Variants in ENG observed in about 807,000 individuals in gnomAD.
The protein encoded by ENG is CD105 antigen.
Under a neutral mutation model 71.0 loss-of-function variants are expected in ENG, and 17 were observed. The ratio of observed to expected loss-of-function variants is 0.24; its 90% CI spans 0.16 to 0.36. The LOEUF is 0.36. Among genes scored for constraint, ENG ranks in the 10% least tolerant of loss-of-function variants. The pLI is 1.00. For synonymous variants in ENG, 360 were observed against 366.9 expected (o/e 0.98, Z 0.21); for missense variants, 749 against 868.3 (o/e 0.86, Z 1.73).
chr9:127,841,392 G>A (rs1350118558), intron 2 of ENG, among the ~76,000 whole-genome samples: 3 of 152,064 alleles, frequency 2.0e-5, no homozygotes, highest in Non-Finnish European at 4.4e-5. Context: ...TAGGGTTGGG[G>A]GATCCCAGTC....
At chr9:127,833,777 TCA>T (rs1231617903) in intron 2 of ENG, among the ~76,000 whole-genome samples, 3 of 152,180 alleles carry the variant, frequency 2.0e-5, no homozygotes, top group Non-Finnish European at 4.4e-5. Context: ...CCAACTGACG[TCA>T]CAAAGCCAGA....
chr9:127,854,219 C>T (rs914237733), intron 1 of ENG, 70 bp downstream of exon 1: 56 of 1,490,602 alleles, frequency 3.8e-5, no homozygotes, highest in Admixed American at 9.8e-5. Context: ...GGAAGGAGGC[C>T]GGGAATACTT....
chr9:127,821,829 G>C (rs542769278), intron 8 of ENG, among the ~76,000 whole-genome samples: 1 of 148,536 alleles, frequency 6.7e-6, no homozygotes, highest in East Asian at 2.0e-4. Context: ...GTTTCAGTGA[G>C]CCGAGATTGT....
At chr9:127,823,673 CT>C (rs1017053002) in intron 8 of ENG, among the ~76,000 whole-genome samples, 649 of 99,028 alleles carry the variant, frequency 6.6e-3, no homozygotes, top group East Asian at 0.019. Context: ...CAGGCACCGG[CT>C]TTTTTTTTTT....
In ENG at chr9:127,817,160, G is replaced by C. The variant is rs759341808; in HGVS notation, c.1730C>G (p.Pro577Arg). 7 of 1,614,048 alleles carry C rather than the reference G, an allele frequency of 4.3e-6. No homozygotes were observed. Among genetic ancestry groups the C allele is most frequent in the Admixed American group, 3.3e-5 (2 of 60,008 alleles). ...TGGAGGGAGCTCACCAGACAGGTCA[G>C]GGCTGATGATGTTCAAGCGCATGAA... ...TVFMRLNIIS[P>R]DLSGCTSKGL... The change falls in exon 13 of 15, where the codon CCT becomes CGT. Residue 577 changes from proline (P) to arginine (R), a missense_variant. Coordinates refer to ENST00000373203, the MANE Select transcript of ENG (RefSeq NM_001114753.3).
At position 127,846,889 on chromosome 9, in the gene ENG, G is replaced by A. The variant is rs781436266; in HGVS notation, c.68-3644C>T. ...CCACCACTGTCCCCTCTCCACCCTC[G>A]CCACCCATGTGCACACAGCACCTCC... On this transcript the variant is annotated intron_variant, in intron 1 of 14. Transcript: ENST00000373203. This position sits in a 1 kb window ranked among gnomAD's most constrained non-coding sequence, Gnocchi z 5.5. The A allele has an allele frequency of 2.0e-5, 20 of 985,460 alleles. No homozygotes were observed. Among genetic ancestry groups the A allele is most frequent in the Middle Eastern group, 5.2e-4 (1 of 1,914 alleles). The allele number at this position is 985,460 out of a possible 1,614,324, so 61.0% of individuals were successfully genotyped here.
chr9:127,818,335 C>G lies in ENG; in HGVS notation c.1471G>C (p.Asp491His). Residue 491 changes from aspartate to histidine, a missense_variant, in exon 12 of 15, where the codon GAC becomes CAC. By Grantham distance (81) the Asp-to-His change is moderately conservative (BLOSUM62 -1). Transcript: ENST00000373203. ...PSVSEFLLQL[D>H]SCHLDLGPEG... The stretch of plus-strand genomic sequence containing the variant: ...GGCCCCAAGTCCAGGTGGCAGCTGT[C>G]TAACTGGAGCAGGAACTCGGAGACG... The G allele has an allele frequency of 1.2e-6, 2 of 1,614,056 alleles. No homozygotes were observed. The highest frequency in any genetic ancestry group is 1.7e-6 in the Non-Finnish European group (2 of 1,180,040).
chr9:127,837,055 T>C (rs1830918299), intron 2 of ENG, among the ~76,000 whole-genome samples: 2 of 152,188 alleles, frequency 1.3e-5, no homozygotes. Flanking sequence ...CCCAAAGTGC[T>C]GAGATTACAG....
intron 1 of ENG, among the ~76,000 whole-genome samples, chr9:127,847,486 C>G (rs911913402): frequency 3.3e-5 from 5 of 151,832 alleles, no homozygotes; most frequent in Admixed American, 2.6e-4. Flanking sequence ...GAGATAGAGT[C>G]TCACTCTGTC....
At chr9:127,853,773 A>T (rs1205368745) in intron 1 of ENG, among the ~76,000 whole-genome samples, 2 of 152,194 alleles carry the variant, frequency 1.3e-5, no homozygotes, top group East Asian at 3.9e-4. Context: ...CTCACCACCC[A>T]CCTCCTCAGC....
At position 127,816,921 on chromosome 9, in the gene ENG, C is replaced by G. The variant is rs41417551; in HGVS notation, c.1741+228G>C. On this transcript the variant is annotated intron_variant, in intron 13 of 14. Coordinates refer to ENST00000373203, the MANE Select transcript of ENG (RefSeq NM_001114753.3). ...GGGGCAGAGGCCTAGACTCCCACCC[C>G]ACAGGGCGGTCCCGGGCAAGGGCTC... 9.1e-3 allele frequency: 5,532 copies of G among 605,254 alleles called. 252 individuals are homozygous for G. In the African/African-American group the frequency reaches 0.092, roughly 10 times the overall value. The allele number at this position is 605,254 out of a possible 1,614,324, so 37.5% of individuals were successfully genotyped here.
intron 3 of ENG, among the ~76,000 whole-genome samples, chr9:127,827,442 C>T (rs1212326447): frequency 1.3e-5 from 2 of 152,092 alleles, no homozygotes; most frequent in Non-Finnish European, 2.9e-5. Flanking sequence ...CTGCCATTGC[C>T]TCAGAAGAAA....
At chr9:127,854,263 C>G (rs759724176) in intron 1 of ENG, 26 bp downstream of exon 1, 5 of 1,567,036 alleles carry the variant, frequency 3.2e-6, no homozygotes. Flanking sequence ...GCCGAGTCTC[C>G]CCACCCTGGG....
chr9:127,824,504 G>A lies in ENG; in HGVS notation c.992-58C>T, dbSNP rs550555087. 1,073 of 1,057,154 alleles carry A rather than the reference G, an allele frequency of 1.0e-3. 16 individuals carry two copies. In the East Asian group the frequency reaches 0.021, roughly 21 times the overall value. 65.5% of individuals were successfully genotyped at this position (1,057,154 alleles called of 1,614,324 possible). On this transcript the variant is annotated intron_variant, in intron 7 of 14. Coordinates refer to ENST00000373203, the MANE Select transcript of ENG (RefSeq NM_001114753.3). Reference sequence around the variant, plus strand: ...GTCACTGTGTGATCACTGTGTGCCCGCACCAGGCTTTTTTTTTTTTTTTTT... The same window carrying A: ...GTCACTGTGTGATCACTGTGTGCCCACACCAGGCTTTTTTTTTTTTTTTTT...
intron 1 of ENG, among the ~76,000 whole-genome samples, chr9:127,849,748 T>C (rs576616329): frequency 1.6e-3 from 243 of 152,272 alleles, no homozygotes; most frequent in African/African-American, 5.6e-3. Flanking sequence ...ATCCCCATCC[T>C]CTCCACTGTG....
At chr9:127,825,967 C>T in intron 4 of ENG, 107 bp from the exon 5 acceptor site, 3 of 1,434,646 alleles carry the variant, frequency 2.1e-6, no homozygotes, top group Non-Finnish European at 2.9e-6. Context: ...CAGGACGGTG[C>T]TGCAGAGGGG....
At chr9:127,816,970 G>T in intron 13 of ENG, 179 bp downstream of exon 13, 6 of 727,542 alleles carry the variant, frequency 8.2e-6, no homozygotes, top group Non-Finnish European at 1.4e-5. Context: ...TGCAGCTCTG[G>T]CCCCTGCTCT....
At chr9:127,840,121 G>A (rs1405588460) in intron 2 of ENG, among the ~76,000 whole-genome samples, 4 of 152,234 alleles carry the variant, frequency 2.6e-5, no homozygotes, top group African/African-American at 9.6e-5. Context: ...AATGGGTCCA[G>A]GTTTCCCGTG....
At position 127,818,690 on chromosome 9, in the gene ENG, C is replaced by T. The variant is rs371513936; in HGVS notation, c.1428+26G>A. Reference sequence around the variant, plus strand: ...AGGAAGTTCCAGGAGCTGGGAGGCCCGAGGGGTGACAGGCATGCCAGGTAC... The same window carrying T: ...AGGAAGTTCCAGGAGCTGGGAGGCCTGAGGGGTGACAGGCATGCCAGGTAC... On this transcript the variant is annotated intron_variant, in intron 11 of 14. Coordinates refer to ENST00000373203, the MANE Select transcript of ENG (RefSeq NM_001114753.3). The T allele has an allele frequency of 9.1e-5, 147 of 1,610,040 alleles. No individual in the cohort carries two copies. In the African/African-American group the frequency reaches 1.0e-3, roughly 11 times the overall value.
Sources: allele counts gnomAD v4.1 joint callset (sites outside exome capture counted in the v4.1 genomes callset), GRCh38; gene constraint gnomAD v4.1.1; non-coding constraint Gnocchi (gnomAD v3.1); transcripts MANE v1.5; gene names NCBI Gene and HGNC (gene_info 2026-07-23, HGNC 2026-07-21).